MIB1: variants seen among roughly 807,000 people sequenced by gnomAD.
MIB1 encodes MIB E3 ubiquitin protein ligase 1, also known as E3 ubiquitin-protein ligase MIB1.
MIB1 carries 278 observed loss-of-function variants against 124.5 expected under a neutral mutation model. The observed-to-expected ratio is 2.23, with a 90% CI of 2.02 to 2.47. The LOEUF (loss-of-function observed/expected upper bound fraction) is 2.47, where lower values mean the gene tolerates loss of function less well. Among genes scored for constraint, MIB1 ranks in the 30% most tolerant of loss-of-function variants. The pLI is 0.00. For synonymous variants in MIB1, 446 were observed against 429.4 expected (o/e 1.04, Z -0.48); for missense variants, 957 against 1,254.4 (o/e 0.76, Z 3.58).
In MIB1 at chr18:21,818,896, T is replaced by C. The variant is rs527734980; in HGVS notation, c.1678-599T>C. Among the ~76,000 whole-genome samples the C allele has an allele frequency of 3.9e-5, 6 of 152,268 alleles. No homozygotes were observed. The South Asian group carries it at 1.2e-3, about 32-fold the overall frequency. On this transcript the variant is annotated intron_variant, in intron 11 of 20. Transcript: ENST00000261537. The stretch of plus-strand genomic sequence containing the variant: ...GTTGCAGTGAGCTGAGATCGCGCTA[T>C]TGTACTCCAGCCTGAGTGAAAGAGC...
At chr18:21,747,434 A>G (rs946953281) in intron 1 of MIB1, among the ~76,000 whole-genome samples, 3 of 152,244 alleles carry the variant, frequency 2.0e-5, no homozygotes, top group Admixed American at 6.5e-5. Flanking sequence ...TAATAAGCTC[A>G]TAGGTGATGC....
At chr18:21,783,684 TCTTC>T (rs2041398676) in intron 6 of MIB1, among the ~76,000 whole-genome samples, 1 of 152,082 alleles carries the variant, frequency 6.6e-6, no homozygotes. Context: ...TTTCTTGCCC[TCTTC>T]CTTTGTGGTT....
intron 1 of MIB1, among the ~76,000 whole-genome samples, chr18:21,714,589 C>G (rs2040680305): frequency 6.6e-6 from 1 of 152,132 alleles, no homozygotes; most frequent in Non-Finnish European, 1.5e-5. Flanking sequence ...GCATAGTATC[C>G]TCCCATGCTG....
At chr18:21,784,172 C>G (rs1243141771) in intron 6 of MIB1, among the ~76,000 whole-genome samples, 1 of 152,016 alleles carries the variant, frequency 6.6e-6, no homozygotes, top group Non-Finnish European at 1.5e-5. Flanking sequence ...CCTCAGCCTC[C>G]CGCGTAGCTG....
At chr18:21,807,086 A>G (rs2041717407) in intron 10 of MIB1, among the ~76,000 whole-genome samples, 1 of 152,218 alleles carries the variant, frequency 6.6e-6, no homozygotes, top group Non-Finnish European at 1.5e-5. Context: ...GATATTAAGA[A>G]CACAGTTTCC....
At chr18:21,832,365 C>T (rs1324886065) in intron 12 of MIB1, among the ~76,000 whole-genome samples, 1 of 152,148 alleles carries the variant, frequency 6.6e-6, no homozygotes, top group African/African-American at 2.4e-5. Context: ...TTGAAATAGT[C>T]ATTAACCTGT....
At chr18:21,841,909 G>A (rs578096298) in intron 13 of MIB1, among the ~76,000 whole-genome samples, 291 of 151,944 alleles carry the variant, frequency 1.9e-3, no homozygotes, top group African/African-American at 6.6e-3. Flanking sequence ...TGATGGAAAA[G>A]CTCAGGAAAC....
chr18:21,835,801 C>CTCCACACACACACA (rs1555695315), intron 12 of MIB1, among the ~76,000 whole-genome samples: 3 of 101,584 alleles, frequency 3.0e-5, no homozygotes, highest in Admixed American at 2.6e-4. Flanking sequence ...ATATATATAT[C>CTCCACACACACACA]CACACACACA....
At chr18:21,706,707 C>T (rs762637065) in intron 1 of MIB1, among the ~76,000 whole-genome samples, 24 of 152,178 alleles carry the variant, frequency 1.6e-4, no homozygotes, top group Admixed American at 4.6e-4. Context: ...AGTGCCAGCC[C>T]GCCAGCGCTG....
intron 15 of MIB1, among the ~76,000 whole-genome samples, chr18:21,844,492 G>A (rs567889983): frequency 3.1e-4 from 47 of 152,234 alleles, no homozygotes; most frequent in African/African-American, 1.1e-3. Flanking sequence ...CTGTCACCCA[G>A]GCTGGAGTGC....
At chr18:21,759,978 T>C (rs1182593094) in intron 1 of MIB1, among the ~76,000 whole-genome samples, 2 of 152,202 alleles carry the variant, frequency 1.3e-5, no homozygotes, top group Non-Finnish European at 2.9e-5. Flanking sequence ...GTTGTTAAAC[T>C]CAGGCAAGAT....
chr18:21,760,067 C>A (rs371382627), intron 1 of MIB1, among the ~76,000 whole-genome samples: 83 of 152,120 alleles, frequency 5.5e-4, no homozygotes, highest in African/African-American at 2.0e-3. Flanking sequence ...GTTCATTTAA[C>A]GGCGGCAGAT....
chr18:21,761,360 C>T (rs1427277182), intron 1 of MIB1, among the ~76,000 whole-genome samples: 1 of 151,728 alleles, frequency 6.6e-6, no homozygotes, highest in East Asian at 1.9e-4. Flanking sequence ...AAGAGAAGTG[C>T]CAACAGTAAC....
At chr18:21,778,287 A>T (rs1191238831) in intron 5 of MIB1, 118 bp downstream of exon 5, 3 of 636,946 alleles carry the variant, frequency 4.7e-6, no homozygotes, top group Admixed American at 6.6e-5. Flanking sequence ...TAGAGAAAAA[A>T]TTTTTTGGCT....
intron 6 of MIB1, among the ~76,000 whole-genome samples, chr18:21,789,552 GT>G (rs1416174127): frequency 6.6e-6 from 1 of 151,922 alleles, no homozygotes; most frequent in Admixed American, 6.6e-5. Flanking sequence ...CAAAATCCTG[GT>G]ACTTTTTTTT....
In MIB1 at chr18:21,768,748, G is replaced by A; in HGVS notation, c.527G>A (p.Gly176Glu). 2 of 1,609,758 alleles carry A rather than the reference G, an allele frequency of 1.2e-6. No individual in the cohort carries two copies. Among genetic ancestry groups the A allele is most frequent in the Non-Finnish European group, 1.7e-6 (2 of 1,177,742 alleles). The part of the protein sequence containing the change: ...EDQDGGNGRR[G>E]KVTEIQDWSA... ...CAAGATGGAGGAAATGGACGTAGGG[G>A]AAAGGTACAGTGTTTCTCTGAATTC... The change falls in exon 3 of 21, where the codon GGA becomes GAA. Residue 176 changes from glycine to glutamate, a missense_variant. Coordinates refer to ENST00000261537, the MANE Select transcript of MIB1 (RefSeq NM_020774.4).
chr18:21,847,435 C>A (rs1032620304), intron 16 of MIB1, among the ~76,000 whole-genome samples: 3 of 152,052 alleles, frequency 2.0e-5, no homozygotes, highest in African/African-American at 7.2e-5. Context: ...GAGAAAAAGT[C>A]TTCTAGTAAA....
At chr18:21,753,889 G>A (rs2041002484) in intron 1 of MIB1, among the ~76,000 whole-genome samples, 1 of 152,082 alleles carries the variant, frequency 6.6e-6, no homozygotes, top group African/African-American at 2.4e-5. Context: ...TGTTGACCAG[G>A]CTGGTCTTGA....
chr18:21,783,302 G>A lies in MIB1; in HGVS notation c.908+3617G>A, dbSNP rs139814543. 8.6e-3 allele frequency among the ~76,000 whole-genome samples: 1,304 copies of A among 151,700 alleles called. 21 individuals are homozygous for A. The highest frequency in any genetic ancestry group is 0.029 in the African/African-American group (1,217 of 41,338). On this transcript the variant is annotated intron_variant, in intron 6 of 20. Coordinates refer to ENST00000261537, the MANE Select transcript of MIB1 (RefSeq NM_020774.4). ...CTGTCGCCCAGGCTGGAGTGCAGTGGGACGATATTGGCTCACTGCAACCTC... is the reference window on the plus strand; with the variant it reads ...CTGTCGCCCAGGCTGGAGTGCAGTGAGACGATATTGGCTCACTGCAACCTC...
Sources: allele counts gnomAD v4.1 joint callset (sites outside exome capture counted in the v4.1 genomes callset), GRCh38; gene constraint gnomAD v4.1.1; transcripts MANE v1.5; gene names NCBI Gene and HGNC (gene_info 2026-07-23, HGNC 2026-07-21).